LRRTM4: variants seen among roughly 807,000 people sequenced by gnomAD.
LRRTM4 encodes leucine rich repeat transmembrane neuronal 4, also known as leucine-rich repeat transmembrane neuronal protein 4.
LRRTM4 carries 25 observed loss-of-function variants against 47.6 expected under a neutral mutation model. The ratio of observed to expected loss-of-function variants is 0.53; its 90% CI spans 0.38 to 0.73. The LOEUF (loss-of-function observed/expected upper bound fraction) is 0.73, where lower values mean the gene tolerates loss of function less well. LRRTM4 is among the 30% of genes least tolerant of loss of function. The probability of loss-of-function intolerance (pLI) is 0.00; values close to 1 mark genes in which losing one functional copy is unlikely to be tolerated. For missense variants in LRRTM4, 638 were observed against 713.4 expected, an observed-to-expected ratio of 0.89 and a Z score of 1.20; for synonymous variants, 311 against 269.5, an observed-to-expected ratio of 1.15 and a Z score of -1.51.
At chr2:76,824,014 C>A (rs62172145) in intron 3 of LRRTM4, among the ~76,000 whole-genome samples, 71,816 of 151,328 alleles carry the variant, frequency 0.47, 18,380 homozygotes, top group East Asian at 0.76. Context: ...TTTGTGCTCA[C>A]ATGTGTCCTG....
At chr2:76,871,250 C>G (rs1310827031) in intron 3 of LRRTM4, among the ~76,000 whole-genome samples, 1 of 152,050 alleles carries the variant, frequency 6.6e-6, no homozygotes, top group Non-Finnish European at 1.5e-5. Flanking sequence ...CTTCAAACTG[C>G]TGTGTCTGAT....
intron 3 of LRRTM4, among the ~76,000 whole-genome samples, chr2:77,062,767 T>A (rs982886016): frequency 6.6e-6 from 1 of 152,092 alleles, no homozygotes; most frequent in Admixed American, 6.5e-5. Context: ...GGCTTATGGA[T>A]CTCCAAAGTT....
chr2:77,000,408 T>C (rs1348832), intron 3 of LRRTM4, among the ~76,000 whole-genome samples: 9,696 of 152,108 alleles, frequency 0.064, 694 homozygotes, highest in African/African-American at 0.17. Context: ...CTTGGGAGAG[T>C]GTATGCAAAC....
intron 3 of LRRTM4, among the ~76,000 whole-genome samples, chr2:76,934,789 G>A (rs1246392375): frequency 6.6e-6 from 1 of 152,160 alleles, no homozygotes; most frequent in Non-Finnish European, 1.5e-5. Context: ...CTAAATCTTT[G>A]TTGAATGAAT....
At chr2:76,928,856 G>A (rs1256831203) in intron 3 of LRRTM4, among the ~76,000 whole-genome samples, 1 of 152,080 alleles carries the variant, frequency 6.6e-6, no homozygotes, top group Non-Finnish European at 1.5e-5. Context: ...ATGTGATGTA[G>A]TCAACTTTAA....
intron 3 of LRRTM4, among the ~76,000 whole-genome samples, chr2:76,985,109 C>T (rs1322086301): frequency 6.6e-6 from 1 of 151,752 alleles, no homozygotes; most frequent in Admixed American, 6.6e-5. Context: ...TATACAATTC[C>T]CCCAAAAGGA....
intron 3 of LRRTM4, among the ~76,000 whole-genome samples, chr2:76,970,242 A>T (rs776565847): frequency 6.6e-6 from 1 of 152,042 alleles, no homozygotes; most frequent in Non-Finnish European, 1.5e-5. Flanking sequence ...AAAATCTCTA[A>T]GAGCCCAATA....
intron 3 of LRRTM4, among the ~76,000 whole-genome samples, chr2:77,310,875 G>T (rs937277484): frequency 4.6e-5 from 7 of 151,978 alleles, no homozygotes; most frequent in African/African-American, 1.7e-4. Context: ...TATTTAGAGA[G>T]AGAATATTGT....
chr2:77,311,504 A>T (rs1427165251), intron 3 of LRRTM4, among the ~76,000 whole-genome samples: 1 of 152,226 alleles, frequency 6.6e-6, no homozygotes, highest in Non-Finnish European at 1.5e-5. Context: ...TGCTTTGCAC[A>T]TCATTAAAGT....
intron 3 of LRRTM4, among the ~76,000 whole-genome samples, chr2:76,785,573 T>A (rs1674630425): frequency 6.6e-6 from 1 of 152,138 alleles, no homozygotes; most frequent in South Asian, 2.1e-4. Flanking sequence ...TTAGATTTTC[T>A]CCTAGTAATT....
intron 3 of LRRTM4, among the ~76,000 whole-genome samples, chr2:77,203,489 G>A (rs1255882679): frequency 1.3e-5 from 2 of 152,056 alleles, no homozygotes; most frequent in African/African-American, 4.8e-5. Context: ...GATTGGTGTT[G>A]GAATTTGGCA....
At chr2:77,194,421 C>T (rs1175937636) in intron 3 of LRRTM4, among the ~76,000 whole-genome samples, 1 of 152,052 alleles carries the variant, frequency 6.6e-6, no homozygotes, top group African/African-American at 2.4e-5. Flanking sequence ...GAACACACTT[C>T]GACATGTGAA....
chr2:77,323,825 G>A (rs1461164586), intron 3 of LRRTM4, among the ~76,000 whole-genome samples: 2 of 152,014 alleles, frequency 1.3e-5, no homozygotes, highest in Non-Finnish European at 2.9e-5. Flanking sequence ...GTGTGGTCTT[G>A]GGCGAGTTAC....
At chr2:76,775,934 A>T (rs78618974) in intron 3 of LRRTM4, among the ~76,000 whole-genome samples, 2 of 144,324 alleles carry the variant, frequency 1.4e-5, no homozygotes, top group South Asian at 2.3e-4. Context: ...CAGTCCCCAG[A>T]GTGTGATATT....
At chr2:77,458,464 A>C (rs1239128963) in intron 3 of LRRTM4, among the ~76,000 whole-genome samples, 1 of 152,080 alleles carries the variant, frequency 6.6e-6, no homozygotes, top group East Asian at 1.9e-4. Context: ...TTAAAAAGCC[A>C]TACTTGCCAA....
chr2:76,957,669 T>C (rs1045141433), intron 3 of LRRTM4, among the ~76,000 whole-genome samples: 5 of 151,732 alleles, frequency 3.3e-5, no homozygotes, highest in African/African-American at 9.7e-5. Flanking sequence ...ATGGATTTAA[T>C]AGTACCTCAG....
chr2:77,439,542 C>T (rs1458650961), intron 3 of LRRTM4, among the ~76,000 whole-genome samples: 1 of 151,948 alleles, frequency 6.6e-6, no homozygotes, highest in Non-Finnish European at 1.5e-5. Flanking sequence ...CAAAAAAAAT[C>T]TATTGTGTGA....
chr2:77,077,688 T>C (rs1290000607), intron 3 of LRRTM4, among the ~76,000 whole-genome samples: 3 of 152,096 alleles, frequency 2.0e-5, no homozygotes, highest in South Asian at 2.1e-4. Context: ...TGGGAAATTA[T>C]GGAGAATGGG....
intron 3 of LRRTM4, among the ~76,000 whole-genome samples, chr2:77,225,928 T>G (rs1442738882): frequency 6.6e-6 from 1 of 151,990 alleles, no homozygotes; most frequent in Non-Finnish European, 1.5e-5. Flanking sequence ...AAATAAATAG[T>G]TAAGTAGCTA....
Sources: gnomAD v4.1 joint callset for allele counts (sites outside exome capture counted in the v4.1 genomes callset) on GRCh38, gnomAD v4.1.1 for gene constraint, MANE v1.5 for transcripts, NCBI Gene and HGNC (gene_info 2026-07-23, HGNC 2026-07-21) for gene names.